TMEM178A: variants seen among roughly 807,000 people sequenced by gnomAD.
TMEM178A encodes the protein transmembrane protein 178A.
TMEM178A carries 12 observed loss-of-function variants against 29.1 expected under a neutral mutation model. The ratio of observed to expected loss-of-function variants is 0.41; its 90% CI spans 0.26 to 0.67. The LOEUF (loss-of-function observed/expected upper bound fraction) is 0.67, where lower values mean the gene tolerates loss of function less well. Among genes scored for constraint, TMEM178A ranks in the 30% least tolerant of loss-of-function variants. TMEM178A has a pLI of 0.29. For synonymous variants in TMEM178A, 210 were observed against 187.2 expected, an observed-to-expected ratio of 1.12 and a Z score of -0.99; for missense variants, 366 against 419.1, an observed-to-expected ratio of 0.87 and a Z score of 1.11.
chr2:39,719,098 G>T (rs1482768130), downstream of TMEM178A, among the ~76,000 whole-genome samples: 1 of 152,210 alleles, frequency 6.6e-6, no homozygotes, highest in Non-Finnish European at 1.5e-5. Context: ...TCCAGGCACA[G>T]CACAGGCTCA....
chr2:39,730,412 C>A, the TMEM178A span, among the ~76,000 whole-genome samples: 1 of 152,148 alleles, frequency 6.6e-6, no homozygotes, highest in Non-Finnish European at 1.5e-5. Context: ...TGTAACATAT[C>A]ATGTGTCCCC....
At chr2:39,700,993 T>C (rs1671755715) in intron 1 of TMEM178A, among the ~76,000 whole-genome samples, 1 of 152,128 alleles carries the variant, frequency 6.6e-6, no homozygotes, top group South Asian at 2.1e-4. Context: ...ATTATTGTCA[T>C]ACAAATTACA....
intron 3 of TMEM178A, among the ~76,000 whole-genome samples, chr2:39,708,691 A>C (rs543745765): frequency 6.6e-6 from 1 of 152,150 alleles, no homozygotes; most frequent in South Asian, 2.1e-4. Flanking sequence ...TGCTGGGATT[A>C]CAGGCGTGAG....
the TMEM178A span, among the ~76,000 whole-genome samples, chr2:39,724,290 A>C: frequency 6.6e-6 from 1 of 152,168 alleles, no homozygotes; most frequent in Admixed American, 6.5e-5. Context: ...TCAAAAAAAA[A>C]AAAGAGGCTA....
At chr2:39,724,858 T>C in the TMEM178A span, among the ~76,000 whole-genome samples, 1 of 152,238 alleles carries the variant, frequency 6.6e-6, no homozygotes, top group Non-Finnish European at 1.5e-5. Context: ...CAAGTATCTA[T>C]ATTCCTGCAA....
chr2:39,727,821 TC>T, the TMEM178A span, among the ~76,000 whole-genome samples: 1 of 151,742 alleles, frequency 6.6e-6, no homozygotes, highest in Non-Finnish European at 1.5e-5. Context: ...TGTTTGGTTT[TC>T]TGTCCCTGTG....
intron 1 of TMEM178A, among the ~76,000 whole-genome samples, chr2:39,695,722 T>C (rs543515855): frequency 3.3e-5 from 5 of 151,980 alleles, no homozygotes; most frequent in Admixed American, 3.3e-4. Context: ...AGAGTCTGAA[T>C]TCGATTCAGG....
At chr2:39,692,544 CT>C (rs1013546143) in intron 1 of TMEM178A, among the ~76,000 whole-genome samples, 3 of 151,506 alleles carry the variant, frequency 2.0e-5, no homozygotes, top group African/African-American at 7.3e-5. Flanking sequence ...TAGTTGGCTA[CT>C]TTTTTTTTCT....
intron 1 of TMEM178A, among the ~76,000 whole-genome samples, chr2:39,681,610 G>T (rs935633280): frequency 3.3e-5 from 5 of 152,032 alleles, no homozygotes; most frequent in Admixed American, 2.0e-4. Context: ...TTTTTATTCT[G>T]TTGGGATTTT....
At chr2:39,665,895 G>A (rs1183276490), upstream of TMEM178A, 71 of 1,235,478 alleles carry the variant, frequency 5.7e-5, no homozygotes, top group Non-Finnish European at 6.8e-5. Flanking sequence ...GGGAGGGAGC[G>A]GGCGGAGAGC....
chr2:39,704,959 C>G (rs898273256), intron 2 of TMEM178A, among the ~76,000 whole-genome samples: 1 of 152,188 alleles, frequency 6.6e-6, no homozygotes, highest in Non-Finnish European at 1.5e-5. Context: ...AAGTAAATCT[C>G]TCTGCGGATT....
chr2:39,678,588 G>A (rs1463607223), intron 1 of TMEM178A, among the ~76,000 whole-genome samples: 1 of 152,090 alleles, frequency 6.6e-6, no homozygotes, highest in African/African-American at 2.4e-5. Flanking sequence ...TAATGGGTAA[G>A]TGATTTTCTT....
intron 1 of TMEM178A, among the ~76,000 whole-genome samples, chr2:39,676,736 G>A (rs952207505): frequency 2.0e-5 from 3 of 152,136 alleles, no homozygotes; most frequent in Admixed American, 6.5e-5. Context: ...ACAAGATAGA[G>A]CCTGAAGCAG....
the TMEM178A span, among the ~76,000 whole-genome samples, chr2:39,725,900 T>C: frequency 1.3e-5 from 2 of 152,074 alleles, no homozygotes; most frequent in African/African-American, 4.8e-5. Flanking sequence ...CAAAGACACA[T>C]GTGGTCAAAT....
Position 39,717,204 on chromosome 2 carries a change from C to T in TMEM178A, c.847C>T (p.Arg283Trp), listed in dbSNP as rs774061489. The T allele has an allele frequency of 1.6e-5, 26 of 1,613,224 alleles. No individual in the cohort carries two copies. The highest frequency in any genetic ancestry group is 8.4e-5 in the Admixed American group (5 of 59,866). ...GLCIAYPFIS[R>W]TKIAQLKSGR... ...CTGCATCGCTTATCCGTTTATTAGC[C>T]GGACCAAGATTGCACAGCTAAAGTC... Residue 283 changes from arginine to tryptophan, a missense_variant, in exon 4 of 4, where the codon CGG (arginine) becomes TGG (tryptophan). By Grantham distance (101) the Arg-to-Trp change is moderately radical. This residue lies in a region of TMEM178A where 119 missense variants were observed against 172.2 expected (regional missense o/e 0.69). Coordinates refer to ENST00000281961, the MANE Select transcript of TMEM178A (RefSeq NM_152390.3).
At chr2:39,697,158 A>G (rs891808542) in intron 1 of TMEM178A, among the ~76,000 whole-genome samples, 1 of 152,200 alleles carries the variant, frequency 6.6e-6, no homozygotes, top group Non-Finnish European at 1.5e-5. Context: ...CCATCTATGT[A>G]TATATATGTG....
intron 1 of TMEM178A, among the ~76,000 whole-genome samples, chr2:39,676,552 C>G (rs1046009082): frequency 3.9e-5 from 6 of 152,196 alleles, no homozygotes; most frequent in African/African-American, 1.4e-4. Flanking sequence ...GTCACGTGAC[C>G]ATTCTTAAAG....
intron 1 of TMEM178A, among the ~76,000 whole-genome samples, chr2:39,681,738 A>C (rs1293605662): frequency 1.3e-5 from 2 of 152,224 alleles, no homozygotes; most frequent in Non-Finnish European, 2.9e-5. Flanking sequence ...TGAGTGCATT[A>C]GTCATGGAAT....
chr2:39,687,166 A>G (rs1671115526), intron 1 of TMEM178A: 1 of 160,194 alleles, frequency 6.2e-6, no homozygotes, highest in Non-Finnish European at 1.5e-5. Flanking sequence ...AAAGAGGATC[A>G]TACCTCCCCT....
Sources: gnomAD v4.1 joint callset for allele counts (sites outside exome capture counted in the v4.1 genomes callset) on GRCh38, gnomAD v4.1.1 for gene constraint, gnomAD v4.1.1 regional missense constraint, MANE v1.5 for transcripts, NCBI Gene and HGNC (gene_info 2026-07-23, HGNC 2026-07-21) for gene names.